Variants in TRPM3 observed in about 807,000 individuals in gnomAD.
TRPM3 encodes the protein transient receptor potential cation channel subfamily M member 3, also known as long transient receptor potential channel 3.
In TRPM3, 77 loss-of-function variants were observed where a neutral mutation model predicts 181.2. That is an observed-to-expected ratio of 0.42 (90% CI 0.35 to 0.51). The LOEUF (loss-of-function observed/expected upper bound fraction) is 0.51, where lower values mean the gene tolerates loss of function less well. Among genes scored for constraint, TRPM3 ranks in the 20% least tolerant of loss-of-function variants. TRPM3 has a pLI of 0.01. For synonymous variants in TRPM3, 745 were observed against 796.4 expected (o/e 0.94, Z 1.09); for missense variants, 1,759 against 2,196.7 (o/e 0.80, Z 3.98).
At chr9:70,919,272 T>C (rs1230397358) in intron 1 of TRPM3, among the ~76,000 whole-genome samples, 1 of 152,178 alleles carries the variant, frequency 6.6e-6, no homozygotes, top group Non-Finnish European at 1.5e-5. Context: ...TAGTTGAACT[T>C]TTCATTTCTC....
At chr9:70,966,159 T>C (rs1227384520) in intron 1 of TRPM3, among the ~76,000 whole-genome samples, 1 of 151,856 alleles carries the variant, frequency 6.6e-6, no homozygotes, top group Non-Finnish European at 1.5e-5. Flanking sequence ...TCAACATTAC[T>C]GATTAGAGAA....
chr9:71,192,645 T>C (rs1189358330), intron 1 of TRPM3, among the ~76,000 whole-genome samples: 1 of 151,868 alleles, frequency 6.6e-6, no homozygotes, highest in Non-Finnish European at 1.5e-5. Flanking sequence ...CTTAAATATT[T>C]TGAATATTAA....
chr9:70,671,804 G>T (rs904280163), intron 9 of TRPM3, among the ~76,000 whole-genome samples: 9 of 152,082 alleles, frequency 5.9e-5, no homozygotes, highest in Non-Finnish European at 1.3e-4. Context: ...TCACTCTGTT[G>T]CCCAGGCTGG....
At chr9:70,750,658 G>A (rs1210004656) in intron 8 of TRPM3, among the ~76,000 whole-genome samples, 1 of 152,170 alleles carries the variant, frequency 6.6e-6, no homozygotes, top group African/African-American at 2.4e-5. Context: ...AGAATAACTT[G>A]GCCACAATTG....
intron 7 of TRPM3, among the ~76,000 whole-genome samples, chr9:70,764,796 G>A (rs1057316285): frequency 2.0e-5 from 3 of 152,134 alleles, no homozygotes; most frequent in African/African-American, 7.2e-5. Context: ...TTCTGATTCA[G>A]TTCTTTTTCC....
At chr9:71,231,750 A>G (rs997315610) in intron 1 of TRPM3, among the ~76,000 whole-genome samples, 1 of 152,222 alleles carries the variant, frequency 6.6e-6, no homozygotes, top group East Asian at 1.9e-4. Context: ...GGACATTAAC[A>G]TGGCAACAAT....
At chr9:71,015,350 GT>G (rs1364688995) in intron 1 of TRPM3, among the ~76,000 whole-genome samples, 2 of 152,126 alleles carry the variant, frequency 1.3e-5, no homozygotes, top group African/African-American at 4.8e-5. Context: ...CTTCCTATTA[GT>G]TGTAGGTAAT....
intron 1 of TRPM3, among the ~76,000 whole-genome samples, chr9:71,131,443 T>C (rs981192725): frequency 1.3e-5 from 2 of 152,240 alleles, no homozygotes; most frequent in Admixed American, 6.5e-5. Context: ...GAATGGAATG[T>C]AATTTCTATA....
chr9:70,864,689 C>T (rs2095609080), intron 1 of TRPM3, among the ~76,000 whole-genome samples, 178 bp from the exon 2 acceptor site: 1 of 151,884 alleles, frequency 6.6e-6, no homozygotes, highest in Non-Finnish European at 1.5e-5. Flanking sequence ...AAATCAATTA[C>T]TTCCCGTACC....
chr9:70,812,538 T>A (rs934219322), intron 6 of TRPM3, among the ~76,000 whole-genome samples: 4 of 152,186 alleles, frequency 2.6e-5, no homozygotes, highest in Non-Finnish European at 5.9e-5. Flanking sequence ...ATTAATGTGT[T>A]TCTGAGGACA....
intron 1 of TRPM3, among the ~76,000 whole-genome samples, chr9:70,933,235 A>C (rs1182456597): frequency 6.6e-6 from 1 of 152,154 alleles, no homozygotes; most frequent in Non-Finnish European, 1.5e-5. Flanking sequence ...CGGACCTAGA[A>C]AAAGGGTCCA....
chr9:71,357,278 A>G (rs956073670), intron 1 of TRPM3, among the ~76,000 whole-genome samples: 1 of 152,214 alleles, frequency 6.6e-6, no homozygotes, highest in Admixed American at 6.5e-5. Context: ...AAAAGGCACT[A>G]TGTCTAAATG....
intron 1 of TRPM3, among the ~76,000 whole-genome samples, chr9:70,903,241 G>A (rs572438008): frequency 5.3e-5 from 8 of 152,224 alleles, no homozygotes; most frequent in Non-Finnish European, 7.3e-5. Flanking sequence ...CTAGAAGCCT[G>A]GACGAAGTTG....
At chr9:71,368,785 A>C (rs2092420841) in intron 1 of TRPM3, among the ~76,000 whole-genome samples, 1 of 152,202 alleles carries the variant, frequency 6.6e-6, no homozygotes, top group African/African-American at 2.4e-5. Flanking sequence ...TTTTTGATTC[A>C]CAACAGAACA....
chr9:70,871,462 A>G (rs1051512599), intron 1 of TRPM3, among the ~76,000 whole-genome samples: 2 of 151,942 alleles, frequency 1.3e-5, no homozygotes, highest in African/African-American at 2.4e-5. Context: ...TAACTATTCA[A>G]TAGAGAATAG....
At chr9:71,081,065 C>T (rs2064244841) in intron 1 of TRPM3, among the ~76,000 whole-genome samples, 1 of 152,140 alleles carries the variant, frequency 6.6e-6, no homozygotes, top group Admixed American at 6.5e-5. Context: ...CCTCTCAGCT[C>T]TCATCTTGGC....
intron 1 of TRPM3, among the ~76,000 whole-genome samples, chr9:71,422,382 A>G (rs2093792394): frequency 6.6e-6 from 1 of 152,064 alleles, no homozygotes; most frequent in South Asian, 2.1e-4. Flanking sequence ...CATTTAGGAC[A>G]ATAGTTTTCT....
intron 1 of TRPM3, among the ~76,000 whole-genome samples, chr9:71,299,793 A>G (rs1223650440): frequency 6.6e-6 from 1 of 152,138 alleles, no homozygotes. Context: ...ATTTATAAAG[A>G]AACTGAAAAT....
At chr9:71,412,589 C>T (rs2093572094) in intron 1 of TRPM3, among the ~76,000 whole-genome samples, 1 of 152,120 alleles carries the variant, frequency 6.6e-6, no homozygotes, top group Middle Eastern at 3.2e-3. Context: ...ATTAAAAAGT[C>T]AGGAAACAAC....
Sources: allele counts gnomAD v4.1 joint callset (sites outside exome capture counted in the v4.1 genomes callset), GRCh38; gene constraint gnomAD v4.1.1; transcripts MANE v1.5; gene names NCBI Gene and HGNC (gene_info 2026-07-23, HGNC 2026-07-21).